LARP4B: variants seen among roughly 807,000 people sequenced by gnomAD.
The protein encoded by LARP4B is la-related protein 4B.
Under a neutral mutation model 89.8 loss-of-function variants are expected in LARP4B, and 12 were observed. The ratio of observed to expected loss-of-function variants is 0.13; its 90% CI spans 0.09 to 0.22. The LOEUF (loss-of-function observed/expected upper bound fraction) is 0.22. LARP4B is among the 10% of genes least tolerant of loss of function. The pLI is 1.00. For synonymous variants in LARP4B, 367 were observed against 363.3 expected (o/e 1.01, Z -0.12); for missense variants, 757 against 947.7 (o/e 0.80, Z 2.64).
chr10:815,117 C>T (rs372892538), intron 15 of LARP4B, 47 bp from the exon 16 acceptor site: 16 of 1,510,412 alleles, frequency 1.1e-5, no homozygotes, highest in African/African-American at 5.6e-5. Flanking sequence ...CGGCACTAAG[C>T]GGAGCTGGTA....
chr10:923,393 C>T (rs1206752943), intron 1 of LARP4B, among the ~76,000 whole-genome samples: 8 of 151,872 alleles, frequency 5.3e-5, no homozygotes, highest in Admixed American at 1.3e-4. Context: ...CCTTTGCAAA[C>T]GTGATTTACT....
At chr10:918,020 T>C (rs1836872328) in intron 1 of LARP4B, among the ~76,000 whole-genome samples, 1 of 152,244 alleles carries the variant, frequency 6.6e-6, no homozygotes, top group African/African-American at 2.4e-5. Context: ...ATTGTTTTCC[T>C]ACAATTTGGA....
At chr10:906,915 T>A (rs944322493) in intron 1 of LARP4B, among the ~76,000 whole-genome samples, 2 of 152,162 alleles carry the variant, frequency 1.3e-5, no homozygotes, top group African/African-American at 4.8e-5. Context: ...GCATCTCCCT[T>A]CTTCCCACCT....
At chr10:816,878 C>T (rs1021336926) in intron 15 of LARP4B, among the ~76,000 whole-genome samples, 2 of 152,134 alleles carry the variant, frequency 1.3e-5, no homozygotes, top group East Asian at 1.9e-4. Context: ...CTATCTACTG[C>T]GGGGCCTTCC....
the LARP4B span, among the ~76,000 whole-genome samples, chr10:979,193 C>T: frequency 6.6e-6 from 1 of 152,212 alleles, no homozygotes; most frequent in Non-Finnish European, 1.5e-5. Context: ...TGCTCCTTCT[C>T]CTGTCCTTCT....
the LARP4B span, among the ~76,000 whole-genome samples, chr10:963,332 T>C: frequency 2.0e-5 from 3 of 152,334 alleles, no homozygotes; most frequent in Admixed American, 6.5e-5. Flanking sequence ...TCTTTCTTGG[T>C]TCATTTTCAC....
At chr10:878,156 T>C (rs1835529119) in intron 3 of LARP4B, among the ~76,000 whole-genome samples, 1 of 152,190 alleles carries the variant, frequency 6.6e-6, no homozygotes, top group Non-Finnish European at 1.5e-5. Flanking sequence ...GGAGAGCCAG[T>C]GGGCAGCAGA....
chr10:961,060 G>C, the LARP4B span, among the ~76,000 whole-genome samples: 1 of 152,244 alleles, frequency 6.6e-6, no homozygotes, highest in Non-Finnish European at 1.5e-5. Flanking sequence ...ACTGATGCCT[G>C]CTGGAGTGTG....
upstream of LARP4B, among the ~76,000 whole-genome samples, chr10:935,406 G>A (rs559528251): frequency 2.6e-5 from 4 of 152,238 alleles, no homozygotes; most frequent in Non-Finnish European, 5.9e-5. Flanking sequence ...TCCTTCTGGC[G>A]GAATCTCGCT....
At chr10:938,392 A>G in the LARP4B span, among the ~76,000 whole-genome samples, 1 of 151,980 alleles carries the variant, frequency 6.6e-6, no homozygotes, top group African/African-American at 2.4e-5. Context: ...CTGGGACTAC[A>G]GGTGCCCAAC....
chr10:979,022 T>G, the LARP4B span, among the ~76,000 whole-genome samples: 6 of 152,224 alleles, frequency 3.9e-5, no homozygotes, highest in African/African-American at 1.4e-4. Flanking sequence ...ACTGTTGCTC[T>G]TTTGATGGCA....
intron 3 of LARP4B, among the ~76,000 whole-genome samples, chr10:881,029 G>T (rs1021165324): frequency 5.3e-5 from 8 of 152,170 alleles, no homozygotes; most frequent in Admixed American, 4.6e-4. Flanking sequence ...GCACACAGGA[G>T]TAAGAACTGG....
intron 1 of LARP4B, among the ~76,000 whole-genome samples, chr10:912,478 A>C (rs1836694094): frequency 6.6e-6 from 1 of 152,132 alleles, no homozygotes; most frequent in Non-Finnish European, 1.5e-5. Context: ...GGCCCTAGAA[A>C]CTGCAAATGT....
chr10:959,799 CTCG>C, the LARP4B span, among the ~76,000 whole-genome samples: 5 of 133,114 alleles, frequency 3.8e-5, 1 homozygote, highest in Non-Finnish European at 6.4e-5. Context: ...TTCCCACCTC[CTCG>C]TCATTCCCAC....
At chr10:852,763 G>T (rs1405006861) in intron 5 of LARP4B, among the ~76,000 whole-genome samples, 1 of 152,162 alleles carries the variant, frequency 6.6e-6, no homozygotes, top group Admixed American at 6.5e-5. Context: ...AAACTAATAA[G>T]TGAGCATAAC....
intron 1 of LARP4B, among the ~76,000 whole-genome samples, chr10:913,807 G>A (rs928713723): frequency 6.6e-6 from 1 of 152,190 alleles, no homozygotes; most frequent in African/African-American, 2.4e-5. Context: ...TACTTGGGAC[G>A]CTGAGGTGGG....
At chr10:958,072 C>T in the LARP4B span, among the ~76,000 whole-genome samples, 3 of 152,216 alleles carry the variant, frequency 2.0e-5, no homozygotes, top group African/African-American at 4.8e-5. Flanking sequence ...GCTGGGATTA[C>T]AGGCGTGAGC....
intron 3 of LARP4B, among the ~76,000 whole-genome samples, chr10:883,527 A>T (rs934996430): frequency 7.9e-5 from 12 of 152,204 alleles, no homozygotes; most frequent in Admixed American, 3.9e-4. Context: ...ATAATAATAA[A>T]AAAATAAATT....
upstream of LARP4B, among the ~76,000 whole-genome samples, chr10:935,012 G>C (rs954617110): frequency 1.2e-4 from 19 of 152,278 alleles, no homozygotes; most frequent in African/African-American, 4.3e-4. Flanking sequence ...TAAAGTCCAA[G>C]TTCTCCTGTG....
Sources: gnomAD v4.1 joint callset for allele counts (sites outside exome capture counted in the v4.1 genomes callset) on GRCh38, gnomAD v4.1.1 for gene constraint, MANE v1.5 for transcripts, NCBI Gene and HGNC (gene_info 2026-07-23, HGNC 2026-07-21) for gene names.